Variants in JAZF1 observed in about 807,000 individuals in gnomAD.
JAZF1 encodes JAZF zinc finger 1.
Under a neutral mutation model 26.4 loss-of-function variants are expected in JAZF1, and 8 were observed. The observed-to-expected ratio is 0.30, with a 90% CI of 0.18 to 0.55. JAZF1 has a LOEUF of 0.55. JAZF1 is among the 20% of genes least tolerant of loss of function. JAZF1 has a pLI of 0.94. For synonymous variants in JAZF1, 126 were observed against 122.3 expected (o/e 1.03, Z -0.20); for missense variants, 199 against 322.0 (o/e 0.62, Z 2.92).
At chr7:28,108,080 T>C (rs1389196911) in intron 1 of JAZF1, among the ~76,000 whole-genome samples, 1 of 152,192 alleles carries the variant, frequency 6.6e-6, no homozygotes, top group Admixed American at 6.5e-5. Context: ...GGACAGGCTT[T>C]TCCAGATGGC....
At chr7:27,894,442 G>T (rs922655562) in intron 3 of JAZF1, among the ~76,000 whole-genome samples, 2 of 152,156 alleles carry the variant, frequency 1.3e-5, no homozygotes, top group African/African-American at 4.8e-5. Flanking sequence ...TCCTAATGTG[G>T]AACTGAGGAT....
intron 3 of JAZF1, among the ~76,000 whole-genome samples, chr7:27,891,797 C>A (rs73083396): frequency 0.061 from 9,270 of 152,302 alleles, 448 homozygotes; most frequent in Middle Eastern, 0.099. Context: ...AGCATCACTG[C>A]ACTCCAGCCT....
Position 27,831,313 on chromosome 7 carries a change from T to C in JAZF1, c.*1487A>G, listed in dbSNP as rs1782688625. ...CCCTGCTTCCCAGTTATATGTGATG[T>C]AAGACTTTTCATCAAATGGGAACAT... On this transcript the variant is annotated 3_prime_UTR_variant, in exon 5 of 5. Coordinates refer to ENST00000283928, the MANE Select transcript of JAZF1 (RefSeq NM_175061.4). The C allele has an allele frequency of 4.4e-6, 1 of 226,866 alleles. No homozygotes were observed. Among genetic ancestry groups the C allele is most frequent in the African/African-American group, 2.2e-5 (1 of 45,038 alleles). 14.1% of individuals were successfully genotyped at this position (226,866 alleles called of 1,614,324 possible).
chr7:28,092,290 CAAAAAAAAAAAAAAA>C (rs749913273), intron 1 of JAZF1, among the ~76,000 whole-genome samples: 30 of 12,798 alleles, frequency 2.3e-3, no homozygotes, highest in South Asian at 0.012. Context: ...GGACAAAAGG[CAAAAAAAAAAAAAAA>C]AAAAAAAAAA....
intron 1 of JAZF1, among the ~76,000 whole-genome samples, chr7:28,014,343 T>G (rs1411394476): frequency 6.6e-6 from 1 of 152,202 alleles, no homozygotes; most frequent in East Asian, 1.9e-4. Flanking sequence ...TCTCTCTCCA[T>G]TTCTGATGAA....
chr7:27,927,934 T>C (rs1784626451), intron 2 of JAZF1, among the ~76,000 whole-genome samples: 1 of 152,206 alleles, frequency 6.6e-6, no homozygotes, highest in Non-Finnish European at 1.5e-5. Flanking sequence ...ATGTACTTGA[T>C]AAAATGAAAT....
intron 1 of JAZF1, among the ~76,000 whole-genome samples, chr7:27,999,746 T>C (rs937327420): frequency 2.0e-5 from 3 of 152,138 alleles, no homozygotes; most frequent in Non-Finnish European, 4.4e-5. Context: ...ATATGATGAA[T>C]ACATGAATGA....
chr7:27,896,121 G>A (rs1784058909), intron 2 of JAZF1, among the ~76,000 whole-genome samples: 1 of 152,150 alleles, frequency 6.6e-6, no homozygotes, highest in Non-Finnish European at 1.5e-5. Context: ...CACCACTGAT[G>A]ATTTGTTTAT....
At chr7:27,836,357 A>T (rs1677538335) in intron 4 of JAZF1, among the ~76,000 whole-genome samples, 1 of 152,110 alleles carries the variant, frequency 6.6e-6, no homozygotes, top group South Asian at 2.1e-4. Context: ...CCTCTGATGG[A>T]ATTAGGCCAG....
At chr7:28,170,337 ATGTGTGTGTGTGTGTGTGTG>A (rs61200785) in intron 1 of JAZF1, among the ~76,000 whole-genome samples, 1,445 of 98,560 alleles carry the variant, frequency 0.015, 17 homozygotes, top group Admixed American at 0.016. Flanking sequence ...AGAAGTTGAT[ATGTGTGTGTGTGTGTGTGTG>A]TGTGTGTGTG....
intron 1 of JAZF1, among the ~76,000 whole-genome samples, chr7:28,116,846 CAG>C (rs1316866800): frequency 1.3e-5 from 2 of 152,112 alleles, no homozygotes; most frequent in East Asian, 1.9e-4. Flanking sequence ...TCTTTTGAGA[CAG>C]AGTCTCGCTC....
At chr7:28,108,093 T>C (rs912733429) in intron 1 of JAZF1, among the ~76,000 whole-genome samples, 4 of 152,212 alleles carry the variant, frequency 2.6e-5, no homozygotes, top group African/African-American at 9.6e-5. Flanking sequence ...CAGATGGCAG[T>C]GTGACAACAC....
chr7:28,162,732 G>C (rs953511731), intron 1 of JAZF1, among the ~76,000 whole-genome samples: 1 of 152,186 alleles, frequency 6.6e-6, no homozygotes, highest in Admixed American at 6.5e-5. Flanking sequence ...GACACCAGGG[G>C]CTTCCTTGGG....
intron 3 of JAZF1, among the ~76,000 whole-genome samples, chr7:27,867,528 AC>A (rs1343304387): frequency 6.6e-6 from 1 of 152,194 alleles, no homozygotes; most frequent in Non-Finnish European, 1.5e-5. Context: ...TGGCTTCCTA[AC>A]AGGGCAGCTT....
intron 1 of JAZF1, among the ~76,000 whole-genome samples, chr7:28,090,817 GTT>G (rs11367530): frequency 6.0e-4 from 61 of 101,788 alleles, no homozygotes; most frequent in African/African-American, 2.3e-3. Flanking sequence ...TTTTTTAGTT[GTT>G]TTTTTTTTTT....
chr7:28,059,064 T>C (rs866375949), intron 1 of JAZF1, among the ~76,000 whole-genome samples: 4 of 152,220 alleles, frequency 2.6e-5, no homozygotes, highest in Non-Finnish European at 4.4e-5. Context: ...TTATATATTT[T>C]GGGGTGATAG....
At chr7:28,016,361 C>T (rs578044989) in intron 1 of JAZF1, among the ~76,000 whole-genome samples, 1 of 152,316 alleles carries the variant, frequency 6.6e-6, no homozygotes, top group South Asian at 2.1e-4. Context: ...GCTAAGAGGC[C>T]TGAACAACCC....
intron 1 of JAZF1, among the ~76,000 whole-genome samples, chr7:28,091,191 G>A (rs1438911161): frequency 1.3e-5 from 2 of 151,884 alleles, no homozygotes; most frequent in African/African-American, 2.4e-5. Context: ...TTATATCAGG[G>A]GAAATAATGT....
intron 1 of JAZF1, among the ~76,000 whole-genome samples, chr7:28,071,048 A>G (rs1247397047): frequency 1.3e-5 from 2 of 152,182 alleles, no homozygotes; most frequent in Non-Finnish European, 2.9e-5. Flanking sequence ...TTACCGGGTG[A>G]AGGTAAGATA....
Sources: gnomAD v4.1 joint callset for allele counts (sites outside exome capture counted in the v4.1 genomes callset) on GRCh38, gnomAD v4.1.1 for gene constraint, MANE v1.5 for transcripts, NCBI Gene and HGNC (gene_info 2026-07-23, HGNC 2026-07-21) for gene names.